ARHGAP26: variants seen among roughly 807,000 people sequenced by gnomAD.
ARHGAP26 encodes the protein rho GTPase-activating protein 26.
In ARHGAP26, 38 loss-of-function variants were observed where a neutral mutation model predicts 104.8. The ratio of observed to expected loss-of-function variants is 0.36; its 90% CI spans 0.28 to 0.48. ARHGAP26 has a LOEUF of 0.48. Among genes scored for constraint, ARHGAP26 ranks in the 20% least tolerant of loss-of-function variants. The pLI, the probability that ARHGAP26 is intolerant of heterozygous loss-of-function variation, is 0.99. For synonymous variants in ARHGAP26, 341 were observed against 340.0 expected (o/e 1.00, Z -0.03); for missense variants, 704 against 947.9 (o/e 0.74, Z 3.38).
intron 17 of ARHGAP26, among the ~76,000 whole-genome samples, chr5:143,097,383 AGAG>A (rs1168671478): frequency 4.7e-5 from 7 of 149,586 alleles, no homozygotes; most frequent in Middle Eastern, 3.5e-3. Flanking sequence ...AAAAAAAAAA[AGAG>A]CATATCTGAC....
chr5:143,127,581 C>T (rs148979088), intron 18 of ARHGAP26, among the ~76,000 whole-genome samples: 13 of 152,328 alleles, frequency 8.5e-5, no homozygotes, highest in African/African-American at 2.9e-4. Context: ...ATGACCCCCA[C>T]TTAACACCTG....
At chr5:142,980,097 T>C (rs944304220) in intron 11 of ARHGAP26, among the ~76,000 whole-genome samples, 4 of 152,236 alleles carry the variant, frequency 2.6e-5, no homozygotes, top group Non-Finnish European at 5.9e-5. Context: ...TTCTGACTTA[T>C]ATTGCCATTG....
intron 12 of ARHGAP26, among the ~76,000 whole-genome samples, chr5:143,017,917 A>C (rs1779810335): frequency 6.6e-6 from 1 of 152,184 alleles, no homozygotes; most frequent in Non-Finnish European, 1.5e-5. Flanking sequence ...TACTTAGTTT[A>C]AGCACTCTCT....
At chr5:142,956,553 G>T (rs1160092100) in intron 11 of ARHGAP26, among the ~76,000 whole-genome samples, 1 of 152,038 alleles carries the variant, frequency 6.6e-6, no homozygotes, top group Non-Finnish European at 1.5e-5. Context: ...TTCCAGCCTG[G>T]GTGACAGAGA....
At chr5:143,141,668 C>T (rs963043802) in intron 19 of ARHGAP26, among the ~76,000 whole-genome samples, 3 of 152,194 alleles carry the variant, frequency 2.0e-5, no homozygotes, top group East Asian at 1.9e-4. Context: ...GCCGTCTGTA[C>T]GTGGACTCCC....
chr5:142,931,968 TG>T, intron 10 of ARHGAP26, 78 bp from the exon 11 acceptor site: 1 of 1,325,258 alleles, frequency 7.5e-7, no homozygotes, highest in South Asian at 1.2e-5. Context: ...CTCTTTTGAG[TG>T]GATGTTTAAG....
intron 20 of ARHGAP26, among the ~76,000 whole-genome samples, chr5:143,154,174 G>A (rs201245059): frequency 2.5e-4 from 18 of 71,398 alleles, no homozygotes; most frequent in African/African-American, 6.5e-4. Context: ...AAAAAAAAAA[G>A]AGTTTCTGCT....
rs954277422 is a variant in ARHGAP26 at position 143,224,713 on chromosome 5, C to T, written c.*2267C>T. Reference sequence around the variant, plus strand: ...CCAGCTTCTTAGAATGTTCAGTTCTCAATGTGCTGCTGCTTTCCCTTCTCC... The same window carrying T: ...CCAGCTTCTTAGAATGTTCAGTTCTTAATGTGCTGCTGCTTTCCCTTCTCC... On this transcript the variant is annotated 3_prime_UTR_variant, in exon 23 of 23. Coordinates refer to ENST00000645722, the MANE Select transcript of ARHGAP26 (RefSeq NM_001135608.3). 9.6e-5 allele frequency: 22 copies of T among 229,236 alleles called. No homozygotes were observed. The highest frequency in any genetic ancestry group is 1.8e-4 in the Non-Finnish European group (21 of 115,618). 14.2% of individuals were successfully genotyped at this position (229,236 alleles called of 1,614,324 possible).
intron 11 of ARHGAP26, among the ~76,000 whole-genome samples, chr5:143,008,905 TG>T (rs1424838376): frequency 6.6e-6 from 1 of 152,200 alleles, no homozygotes; most frequent in African/African-American, 2.4e-5. Flanking sequence ...TAAACTGAAC[TG>T]GCTCAGCAGT....
chr5:142,860,201 T>G (rs1003115518), intron 1 of ARHGAP26: 10 of 152,162 alleles, frequency 6.6e-5, no homozygotes, highest in Non-Finnish European at 4.4e-5. Context: ...TATTAAAAAT[T>G]TCAAGACAGC....
At chr5:143,003,382 C>G (rs1324881781) in intron 11 of ARHGAP26, among the ~76,000 whole-genome samples, 2 of 152,198 alleles carry the variant, frequency 1.3e-5, no homozygotes, top group Admixed American at 1.3e-4. Flanking sequence ...GTCATCATGA[C>G]CTGCCTCTGA....
At chr5:143,092,182 T>C (rs1791538798) in intron 17 of ARHGAP26, among the ~76,000 whole-genome samples, 1 of 150,644 alleles carries the variant, frequency 6.6e-6, no homozygotes, top group Non-Finnish European at 1.5e-5. Context: ...TTTTTTTTTT[T>C]TGAGATGGAG....
At chr5:142,884,881 G>C (rs1467263695) in intron 4 of ARHGAP26, among the ~76,000 whole-genome samples, 2 of 152,284 alleles carry the variant, frequency 1.3e-5, no homozygotes, top group South Asian at 2.1e-4. Flanking sequence ...GTCTAGACTT[G>C]TCTCATTCAA....
At chr5:143,185,842 A>G (rs549914452) in intron 20 of ARHGAP26, among the ~76,000 whole-genome samples, 1 of 152,296 alleles carries the variant, frequency 6.6e-6, no homozygotes, top group South Asian at 2.1e-4. Context: ...GAAGCTTCCC[A>G]GCCACACTCT....
chr5:142,977,719 G>T (rs1392053795), intron 11 of ARHGAP26, among the ~76,000 whole-genome samples: 1 of 152,172 alleles, frequency 6.6e-6, no homozygotes, highest in East Asian at 1.9e-4. Flanking sequence ...GGGAGAGGAA[G>T]CAAAAACATT....
At chr5:143,180,643 C>A (rs1294551155) in intron 20 of ARHGAP26, among the ~76,000 whole-genome samples, 1 of 152,032 alleles carries the variant, frequency 6.6e-6, no homozygotes, top group Non-Finnish European at 1.5e-5. Flanking sequence ...TGGCGGCAGG[C>A]TAGAGAAGTG....
intron 1 of ARHGAP26, among the ~76,000 whole-genome samples, chr5:142,787,365 T>G (rs997822628): frequency 6.6e-6 from 1 of 152,180 alleles, no homozygotes; most frequent in Non-Finnish European, 1.5e-5. Context: ...GTTGAACAGC[T>G]CCAGAAATAA....
chr5:143,075,065 G>A (rs966342460), intron 17 of ARHGAP26, among the ~76,000 whole-genome samples: 12 of 152,200 alleles, frequency 7.9e-5, no homozygotes, highest in African/African-American at 2.9e-4. Flanking sequence ...ATAATGGATA[G>A]CAAAGGCTAG....
intron 1 of ARHGAP26, among the ~76,000 whole-genome samples, chr5:142,832,277 C>A (rs189834599): frequency 6.6e-6 from 1 of 152,224 alleles, no homozygotes; most frequent in East Asian, 1.9e-4. Context: ...GGAGATAGGG[C>A]CTATAAAGAG....
Sources: allele counts gnomAD v4.1 joint callset (sites outside exome capture counted in the v4.1 genomes callset), GRCh38; gene constraint gnomAD v4.1.1; transcripts MANE v1.5; gene names NCBI Gene and HGNC (gene_info 2026-07-23, HGNC 2026-07-21).